Variants in ACYP2 observed in about 807,000 individuals in gnomAD.
The protein encoded by ACYP2 is acylphosphatase 2, also known as acylphosphatase-2.
Under a neutral mutation model 11.2 loss-of-function variants are expected in ACYP2, and 12 were observed. The observed-to-expected ratio is 1.08, with a 90% confidence interval of 0.69 to 1.74. The LOEUF is 1.74. Ranked by LOEUF, ACYP2 falls within the 40% of genes most tolerant of loss-of-function variation. ACYP2 has a pLI of 0.00. For synonymous variants in ACYP2, 43 were observed against 32.2 expected, an observed-to-expected ratio of 1.33 and a Z score of -1.13; for missense variants, 134 against 101.9, an observed-to-expected ratio of 1.31 and a Z score of -1.35.
intron 2 of ACYP2, among the ~76,000 whole-genome samples, chr2:54,034,592 C>T (rs1336365591): frequency 6.6e-6 from 1 of 152,120 alleles, no homozygotes; most frequent in African/African-American, 2.4e-5. Context: ...GTTTGCACTA[C>T]GATGAAATTG....
chr2:54,195,633 A>G (rs1335868358), intron 6 of ACYP2, among the ~76,000 whole-genome samples: 1 of 115,910 alleles, frequency 8.6e-6, no homozygotes, highest in African/African-American at 3.1e-5. Context: ...AAGACTGGCC[A>G]AAGGCAAAAA....
At chr2:54,017,450 TCACCATG>T (rs1372234045) in intron 2 of ACYP2, among the ~76,000 whole-genome samples, 1 of 151,910 alleles carries the variant, frequency 6.6e-6, no homozygotes, top group Non-Finnish European at 1.5e-5. Context: ...AGATGGGGTT[TCACCATG>T]TTGGCCAGGC....
intron 6 of ACYP2, among the ~76,000 whole-genome samples, chr2:54,286,357 T>G (rs1257017406): frequency 1.3e-5 from 2 of 151,996 alleles, no homozygotes; most frequent in African/African-American, 4.8e-5. Flanking sequence ...AATTCAACAT[T>G]TGAAGTAAGA....
At chr2:54,029,881 A>G in intron 2 of ACYP2, 1 of 266,742 alleles carries the variant, frequency 3.7e-6, no homozygotes, top group Non-Finnish European at 7.1e-6. Context: ...TCCCAGAACC[A>G]AGCCGGGTCC....
At chr2:54,204,052 T>TG (rs1489107662) in intron 6 of ACYP2, among the ~76,000 whole-genome samples, 1 of 152,206 alleles carries the variant, frequency 6.6e-6, no homozygotes, top group Non-Finnish European at 1.5e-5. Context: ...TGGAGTGCAG[T>TG]GGCACGATCT....
chr2:54,301,145 G>C (rs1689709083), intron 6 of ACYP2, among the ~76,000 whole-genome samples: 1 of 152,122 alleles, frequency 6.6e-6, no homozygotes, highest in Non-Finnish European at 1.5e-5. Flanking sequence ...TCAGTTTGCT[G>C]TTTGTTTGGC....
chr2:54,196,439 CTTTG>C (rs1684483659), intron 6 of ACYP2, among the ~76,000 whole-genome samples: 2 of 152,166 alleles, frequency 1.3e-5, no homozygotes, highest in South Asian at 4.1e-4. Context: ...CTTTATATGG[CTTTG>C]TTTCTGTGGT....
At position 54,064,624 on chromosome 2, in the gene ACYP2, C is replaced by G. The variant is rs576090048; in HGVS notation, c.277+7264C>G. Among the ~76,000 whole-genome samples, 12 of 152,256 alleles carry G rather than the reference C, an allele frequency of 7.9e-5. 1 individual carries two copies. In the South Asian group the frequency reaches 2.5e-3, roughly 32 times the overall value. Reference sequence around the variant, plus strand: ...TGTACTTAGTTGTACACCGTGGTAACTAAAAACACTGTACCTTATAGATCA... The same window carrying G: ...TGTACTTAGTTGTACACCGTGGTAAGTAAAAACACTGTACCTTATAGATCA... On this transcript the variant is annotated intron_variant, in intron 4 of 6. Transcript: ENST00000607452.
At chr2:54,021,408 A>G (rs1479389439) in intron 2 of ACYP2, among the ~76,000 whole-genome samples, 2 of 152,188 alleles carry the variant, frequency 1.3e-5, no homozygotes, top group African/African-American at 4.8e-5. Flanking sequence ...TATTGATACC[A>G]TTGGTTCTTT....
intron 6 of ACYP2, among the ~76,000 whole-genome samples, chr2:54,178,347 T>C (rs1195540399): frequency 6.6e-6 from 1 of 152,174 alleles, no homozygotes; most frequent in Non-Finnish European, 1.5e-5. Flanking sequence ...ACCGTGAACC[T>C]TGAGTTGTTT....
intron 6 of ACYP2, among the ~76,000 whole-genome samples, chr2:54,237,689 T>C (rs947975596): frequency 3.3e-5 from 5 of 152,222 alleles, no homozygotes; most frequent in Non-Finnish European, 5.9e-5. Flanking sequence ...TAATATGTCT[T>C]CTATAACTTT....
At chr2:54,039,161 T>C (rs979050575) in intron 2 of ACYP2, among the ~76,000 whole-genome samples, 3 of 150,862 alleles carry the variant, frequency 2.0e-5, no homozygotes, top group Non-Finnish European at 2.9e-5. Context: ...GAGCAGAGCA[T>C]GTAGGGCTTT....
At chr2:54,140,486 G>C (rs1451346058) in intron 6 of ACYP2, among the ~76,000 whole-genome samples, 1 of 151,416 alleles carries the variant, frequency 6.6e-6, no homozygotes, top group Admixed American at 6.6e-5. Context: ...TAGCAAGCTA[G>C]TGTGTATTCT....
At chr2:54,255,402 G>C in intron 6 of ACYP2, 1 of 1,614,034 alleles carries the variant, frequency 6.2e-7, no homozygotes, top group Non-Finnish European at 8.5e-7. Flanking sequence ...TGACCCAGAA[G>C]CCCGGGATAT....
rs539754122 is a variant in ACYP2 at position 54,060,370 on chromosome 2, ACTTATT to A, written c.277+3014_277+3019del. Among the ~76,000 whole-genome samples the A allele has an allele frequency of 7.6e-4, 115 of 151,834 alleles. 4 individuals are homozygous for A. The South Asian group carries it at 0.021, about 28-fold the overall frequency. ...ATGGCCATATTTTTAATTTCTATAA[ACTTATT>A]CTTGTTCTGATTATTCCTTTTTAAA... On this transcript the variant is annotated intron_variant, in intron 4 of 6. Transcript: ENST00000607452.
At chr2:54,033,694 G>T (rs890471400) in intron 2 of ACYP2, among the ~76,000 whole-genome samples, 1 of 152,214 alleles carries the variant, frequency 6.6e-6, no homozygotes, top group African/African-American at 2.4e-5. Context: ...ATTTTGGGAA[G>T]ATCATTCTGG....
intron 4 of ACYP2, among the ~76,000 whole-genome samples, chr2:54,099,910 A>G (rs1158543873): frequency 2.6e-5 from 4 of 152,150 alleles, no homozygotes; most frequent in Non-Finnish European, 4.4e-5. Flanking sequence ...ACTCCCACCA[A>G]CAATGCGCAA....
rs545613531 is a variant in ACYP2, at chr2:54,020,512, C to G, written c.63-30446C>G. Among the ~76,000 whole-genome samples the G allele has an allele frequency of 2.6e-5, 4 of 152,248 alleles. No individual in the cohort carries two copies. In the East Asian group the frequency reaches 7.7e-4, roughly 29 times the overall value. On this transcript the variant is annotated intron_variant, in intron 2 of 6. Coordinates refer to ENST00000607452, the MANE Select transcript of ACYP2 (RefSeq NM_001320586.2). ...AAGGCTATAAAGTTAGTGCAATTATCCTGTCATTACCTAAAAAAAGGATAG... is the reference window on the plus strand; with the variant it reads ...AAGGCTATAAAGTTAGTGCAATTATGCTGTCATTACCTAAAAAAAGGATAG...
chr2:54,282,068 C>G (rs1315401936), intron 6 of ACYP2, among the ~76,000 whole-genome samples: 1 of 152,112 alleles, frequency 6.6e-6, no homozygotes, highest in Non-Finnish European at 1.5e-5. Context: ...ATTCATAATT[C>G]ATTACCCAGA....
Sources: gnomAD v4.1 joint callset for allele counts (sites outside exome capture counted in the v4.1 genomes callset) on GRCh38, gnomAD v4.1.1 for gene constraint, MANE v1.5 for transcripts, NCBI Gene and HGNC (gene_info 2026-07-23, HGNC 2026-07-21) for gene names.